Variants in HPSE observed in about 807,000 individuals in gnomAD.
HPSE encodes endo-glucoronidase.
A neutral mutation model predicts 65.1 loss-of-function variants in HPSE; 48 were observed. That is an observed-to-expected ratio of 0.74 (90% CI 0.58 to 0.94). The LOEUF (loss-of-function observed/expected upper bound fraction) is 0.94, where lower values mean the gene tolerates loss of function less well. HPSE is among the 40% of genes least tolerant of loss of function. The pLI, the probability that HPSE is intolerant of heterozygous loss-of-function variation, is 0.00. For missense variants in HPSE, 644 were observed against 637.5 expected, an observed-to-expected ratio of 1.01 and a Z score of -0.11; for synonymous variants, 243 against 260.0, an observed-to-expected ratio of 0.93 and a Z score of 0.63.
At chr4:83,317,633 A>G (rs1421037808) in intron 3 of HPSE, among the ~76,000 whole-genome samples, 2 of 152,192 alleles carry the variant, frequency 1.3e-5, no homozygotes, top group East Asian at 3.8e-4. Flanking sequence ...GAAACCTACC[A>G]TTTTGGTAAC....
chr4:83,306,141 C>A, intron 9 of HPSE, 62 bp downstream of exon 9: 1 of 945,770 alleles, frequency 1.1e-6, no homozygotes, highest in Admixed American at 1.7e-5. Context: ...GAGGTTAACA[C>A]CAGAGGTCCT....
intron 11 of HPSE, among the ~76,000 whole-genome samples, chr4:83,298,987 C>T (rs1368534735): frequency 6.6e-6 from 1 of 151,946 alleles, no homozygotes; most frequent in Non-Finnish European, 1.5e-5. Context: ...GTAATATATA[C>T]TCATCAAAGA....
intron 3 of HPSE, among the ~76,000 whole-genome samples, chr4:83,317,620 T>C (rs964555853): frequency 2.0e-5 from 3 of 152,070 alleles, no homozygotes; most frequent in African/African-American, 7.2e-5. Context: ...AGTCCTGGAG[T>C]TGGAAACCTA....
intron 1 of HPSE, among the ~76,000 whole-genome samples, chr4:83,328,111 C>T (rs1169874637): frequency 6.6e-6 from 1 of 152,196 alleles, no homozygotes; most frequent in Non-Finnish European, 1.5e-5. Flanking sequence ...CAAATGCCTC[C>T]AAGAGACTGT....
Position 83,334,773 on chromosome 4 carries a change from G to A in HPSE, c.10C>T (p.Arg4Cys), listed in dbSNP as rs1737552154. 3 of 1,544,588 alleles carry A rather than the reference G, an allele frequency of 1.9e-6. No homozygotes were observed. Among genetic ancestry groups the A allele is most frequent in the East Asian group, 2.4e-5 (1 of 40,928 alleles). MLL[R>C]SKPALPPPLM... ...GGCGGCGGCAGCGCAGGCTTCGAGC[G>A]CAGCAGCATCTTGGGCTCACCTGGC... Residue 4 changes from arginine to cysteine, a missense_variant, in exon 1 of 12, where the codon CGC becomes TGC. Arg to Cys is a radical substitution (Grantham distance 180, BLOSUM62 -3). Coordinates refer to ENST00000311412, the MANE Select transcript of HPSE (RefSeq NM_001098540.3).
intron 2 of HPSE, 127 bp from the exon 3 acceptor site, chr4:83,319,596 A>G: frequency 1.1e-6 from 1 of 930,858 alleles, no homozygotes; most frequent in Non-Finnish European, 1.6e-6. Context: ...ATGAGGTAGG[A>G]GAGCAGAGAA....
At chr4:83,328,396 G>C (rs951832274) in intron 1 of HPSE, among the ~76,000 whole-genome samples, 2 of 152,056 alleles carry the variant, frequency 1.3e-5, no homozygotes, top group Non-Finnish European at 2.9e-5. Flanking sequence ...AAGGACATCA[G>C]TCATATTAGA....
At position 83,300,621 on chromosome 4, in the gene HPSE, C is replaced by T. The variant is rs1465770640; in HGVS notation, c.1472+339G>A. Among the ~76,000 whole-genome samples, 3 of 23,702 alleles carry T rather than the reference C, an allele frequency of 1.3e-4. 1 individual carries two copies. Among genetic ancestry groups the T allele is most frequent in the Non-Finnish European group, 1.6e-4 (1 of 6,172 alleles). The allele number at this position is 23,702 out of a possible 152,430, so 15.5% of individuals were successfully genotyped here. On this transcript the variant is annotated intron_variant, in intron 11 of 11. Transcript: ENST00000311412. The stretch of plus-strand genomic sequence containing the variant: ...CGAGGTCAGGAGATCGAGACCCATC[C>T]GGGCTAAAACGGTGAAACCCCGTCT...
chr4:83,321,457 A>G (rs1736889667), intron 2 of HPSE, among the ~76,000 whole-genome samples: 1 of 152,204 alleles, frequency 6.6e-6, no homozygotes, highest in Non-Finnish European at 1.5e-5. Flanking sequence ...TGTATACAAT[A>G]TTTTCAGTAT....
At chr4:83,304,719 T>G (rs557719060) in intron 9 of HPSE, among the ~76,000 whole-genome samples, 112 of 152,254 alleles carry the variant, frequency 7.4e-4, no homozygotes, top group African/African-American at 2.6e-3. Flanking sequence ...CCAACTTTCC[T>G]TCTTGAAAGT....
At position 83,318,675 on chromosome 4, in the gene HPSE, A is replaced by T. The variant is rs1038097032; in HGVS notation, c.499+669T>A. 6.2e-5 allele frequency among the ~76,000 whole-genome samples: 9 copies of T among 144,316 alleles called. No homozygotes were observed. In the Admixed American group the frequency reaches 6.5e-4, roughly 10 times the overall value. 94.7% of individuals were successfully genotyped at this position (144,316 alleles called of 152,430 possible). Reference sequence around the variant, plus strand: ...CAGTGAGCCAAGATTGCGCCATTGCACTCCAGGCTGGGCGACAAGAGTGAG... The same window carrying T: ...CAGTGAGCCAAGATTGCGCCATTGCTCTCCAGGCTGGGCGACAAGAGTGAG... On this transcript the variant is annotated intron_variant, in intron 3 of 11. Transcript: ENST00000311412.
chr4:83,334,605 T>A lies in HPSE; in HGVS notation c.178A>T (p.Thr60Ser). ...HLVSPSFLSV[T>S]IDANLATDPR... ...TCCGTGGCCAGGTTGGCGTCAATGG[T>A]GACGGACAGGAACGAGGGGCTCACC... The change falls in exon 1 of 12, where the codon ACC becomes TCC. Residue 60 changes from threonine (T) to serine (S), a missense_variant. Coordinates refer to ENST00000311412, the MANE Select transcript of HPSE (RefSeq NM_001098540.3). The A allele has an allele frequency of 6.3e-7, 1 of 1,593,844 alleles. No homozygotes were observed. The highest frequency in any genetic ancestry group is 8.5e-7 in the Non-Finnish European group (1 of 1,170,322).
At chr4:83,302,802 C>T (rs186034087) in intron 9 of HPSE, among the ~76,000 whole-genome samples, 1 of 152,156 alleles carries the variant, frequency 6.6e-6, no homozygotes, top group African/African-American at 2.4e-5. Context: ...GATGAAACCC[C>T]TTCTGTACAC....
At chr4:83,334,472 G>T (rs1737531231) in intron 1 of HPSE, 84 bp downstream of exon 1, 1 of 1,420,748 alleles carries the variant, frequency 7.0e-7, no homozygotes, top group Non-Finnish European at 9.4e-7. Context: ...TTGTTTCCGC[G>T]CAAAAGAAGG....
At chr4:83,316,970 G>A (rs987270253) in intron 3 of HPSE, among the ~76,000 whole-genome samples, 5 of 152,000 alleles carry the variant, frequency 3.3e-5, no homozygotes, top group African/African-American at 7.3e-5. Flanking sequence ...GCGCAATCTC[G>A]GCTCACCACA....
Position 83,334,702 on chromosome 4 carries a change from G to A in HPSE, c.81C>T (p.Gly27=), listed in dbSNP as rs1216956467. The A allele has an allele frequency of 6.4e-7, 1 of 1,569,192 alleles. No homozygotes were observed. Among genetic ancestry groups the A allele is most frequent in the South Asian group, 1.2e-5 (1 of 85,370 alleles). Reference sequence around the variant, plus strand: ...GTGCTTGCGCAGGTCGGGGCAGGGCGCCAGGGGAGAGGGGACCCAGCGGCC... The same window carrying A: ...GTGCTTGCGCAGGTCGGGGCAGGGCACCAGGGGAGAGGGGACCCAGCGGCC... The part of the protein sequence containing the change: ...LLGPLGPLSP[G]ALPRPAQAQD... Residue 27 remains glycine, a synonymous_variant, in exon 1 of 12, where the codon GGC becomes GGT. Transcript: ENST00000311412.
In HPSE at chr4:83,326,358, C is replaced by A. The variant is rs562680997; in HGVS notation, c.228-3994G>T. On this transcript the variant is annotated intron_variant, in intron 1 of 11. Coordinates refer to ENST00000311412, the MANE Select transcript of HPSE (RefSeq NM_001098540.3). This position sits in a 1 kb window ranked among gnomAD's most constrained non-coding sequence, Gnocchi z 4.2. ...TATAGGCATGAGCTATTGTACCTGG[C>A]CTAGATTTGATTATTAATTGGATGT... Among the ~76,000 whole-genome samples, 13 of 152,146 alleles carry A rather than the reference C, an allele frequency of 8.5e-5. No individual in the cohort carries two copies. Among genetic ancestry groups the A allele is most frequent in the South Asian group, 2.1e-4 (1 of 4,806 alleles).
Position 83,322,168 on chromosome 4 carries a change from T to C in HPSE, c.373+51A>G, listed in dbSNP as rs373741530. ...TAACAGTTTTCTCAAAGCATTCTCA[T>C]GACGGACTGACGTTAATTAAAATAT... On this transcript the variant is annotated intron_variant, in intron 2 of 11. Transcript: ENST00000311412. 67 of 1,507,354 alleles carry C rather than the reference T, an allele frequency of 4.4e-5. No homozygotes were observed. In the African/African-American group the frequency reaches 6.9e-4, roughly 16 times the overall value. The allele number at this position is 1,507,354 out of a possible 1,614,324, so 93.4% of individuals were successfully genotyped here. A position where few individuals can be genotyped will look rare whatever the true frequency, so the allele number is the denominator to read the frequency against.
In HPSE at chr4:83,294,099, C is replaced by G. The variant is rs542643036; in HGVS notation, c.*1245G>C. On this transcript the variant is annotated 3_prime_UTR_variant, in exon 12 of 12. Coordinates refer to ENST00000311412, the MANE Select transcript of HPSE (RefSeq NM_001098540.3). ...AACTTGTTTTTTTGAGATGGAATCT[C>G]TCTCTGTCACCCAGGCTGGAGTGCA... The G allele has an allele frequency of 6.6e-6, 1 of 152,322 alleles. No individual in the cohort carries two copies. Among genetic ancestry groups the G allele is most frequent in the South Asian group, 2.1e-4 (1 of 4,826 alleles). 9.4% of individuals were successfully genotyped at this position (152,322 alleles called of 1,614,324 possible). A position where few individuals can be genotyped will look rare whatever the true frequency, so the allele number is the denominator to read the frequency against.
Sources: allele counts gnomAD v4.1 joint callset (sites outside exome capture counted in the v4.1 genomes callset), GRCh38; gene constraint gnomAD v4.1.1; non-coding constraint Gnocchi (gnomAD v3.1); transcripts MANE v1.5; gene names NCBI Gene and HGNC (gene_info 2026-07-23, HGNC 2026-07-21).